Variants in GCNT1 observed in about 807,000 individuals in gnomAD.
The protein encoded by GCNT1 is glucosaminyl (N-acetyl) transferase 1.
Under a neutral mutation model 26.2 loss-of-function variants are expected in GCNT1, and 16 were observed. That is an observed-to-expected ratio of 0.61 (90% confidence interval 0.41 to 0.93). The LOEUF is 0.93. GCNT1 is among the 40% of genes least tolerant of loss of function. The pLI is 0.00. For synonymous variants in GCNT1, 183 were observed against 190.8 expected, an observed-to-expected ratio of 0.96 and a Z score of 0.34; for missense variants, 477 against 526.7, an observed-to-expected ratio of 0.91 and a Z score of 0.92.
rs1825219111 is a variant in GCNT1 at position 76,505,707 on chromosome 9, T to C, written c.*2039T>C. On this transcript the variant is annotated 3_prime_UTR_variant, in exon 4 of 4. Coordinates refer to ENST00000376730, the MANE Select transcript of GCNT1 (RefSeq NM_001490.5). The stretch of plus-strand genomic sequence containing the variant: ...CCCTATTTGCTTTAAGTTGTATGTA[T>C]TTCTGAACTTGGCAAAATTGGAAAT... 1 of 167,050 alleles carries C rather than the reference T, an allele frequency of 6.0e-6. No homozygotes were observed. The allele number at this position is 167,050 out of a possible 1,614,324, so 10.3% of individuals were successfully genotyped here.
At chr9:76,455,932 C>G (rs562572674), upstream of GCNT1, among the ~76,000 whole-genome samples, 21 of 152,176 alleles carry the variant, frequency 1.4e-4, no homozygotes, top group African/African-American at 4.8e-4. Context: ...GTACTTGTAA[C>G]TATAGTTTTA....
chr9:76,415,352 T>G (rs1951910), upstream of GCNT1, among the ~76,000 whole-genome samples: 51,104 of 152,042 alleles, frequency 0.34, 9,147 homozygotes, highest in Middle Eastern at 0.4. Flanking sequence ...TCACCACACC[T>G]GACCTTGACG....
At chr9:76,409,587 A>C in the GCNT1 span, among the ~76,000 whole-genome samples, 1 of 152,038 alleles carries the variant, frequency 6.6e-6, no homozygotes. Flanking sequence ...CTGGGATTAC[A>C]GGCGGGTGCC....
chr9:76,497,262 G>A (rs1424507796), intron 2 of GCNT1, among the ~76,000 whole-genome samples: 1 of 152,218 alleles, frequency 6.6e-6, no homozygotes, highest in East Asian at 1.9e-4. Flanking sequence ...AAATAGTATA[G>A]CATGTGCGCA....
At chr9:76,470,960 C>T (rs569315663) in intron 2 of GCNT1, among the ~76,000 whole-genome samples, 1 of 152,300 alleles carries the variant, frequency 6.6e-6, no homozygotes, top group Admixed American at 6.5e-5. Context: ...AAATGCAGAA[C>T]TTGCCTCTGA....
chr9:76,394,354 A>C, the GCNT1 span: 1 of 526,390 alleles, frequency 1.9e-6, no homozygotes, highest in Non-Finnish European at 3.2e-6. Flanking sequence ...GACGCCGCCG[A>C]CCCAACAAAT....
At chr9:76,489,242 A>G (rs1367844996) in intron 2 of GCNT1, among the ~76,000 whole-genome samples, 6 of 152,216 alleles carry the variant, frequency 3.9e-5, no homozygotes, top group African/African-American at 1.4e-4. Flanking sequence ...TGATGGTGAC[A>G]TAGTATTTCT....
upstream of GCNT1, among the ~76,000 whole-genome samples, chr9:76,416,289 A>G (rs1474578569): frequency 1.3e-5 from 2 of 152,168 alleles, no homozygotes; most frequent in African/African-American, 4.8e-5. Flanking sequence ...CCAGCTGCCC[A>G]TCCCACTAAG....
At chr9:76,422,498 C>T (rs1311494293) in intron 1 of GCNT1, among the ~76,000 whole-genome samples, 11 of 152,064 alleles carry the variant, frequency 7.2e-5, no homozygotes, top group Admixed American at 7.2e-4. Flanking sequence ...CAGTAGAAAC[C>T]ATACTTTGAG....
At chr9:76,440,891 C>A (rs1308060072), upstream of GCNT1, among the ~76,000 whole-genome samples, 1 of 151,786 alleles carries the variant, frequency 6.6e-6, no homozygotes, top group Non-Finnish European at 1.5e-5. Context: ...TGGTGAAACC[C>A]CATCTCTACT....
intron 2 of GCNT1, among the ~76,000 whole-genome samples, chr9:76,469,589 G>A (rs1824085462): frequency 6.6e-6 from 1 of 152,136 alleles, no homozygotes; most frequent in Non-Finnish European, 1.5e-5. Flanking sequence ...TACGGCTTGA[G>A]CTGAGCTTTT....
chr9:76,502,843 G>A lies in GCNT1; in HGVS notation c.462G>A (p.Val154=). ...CTCAGAATTTCTATTGCATTCATGT[G>A]GACACAAAATCCGAGGATTCCTATT... The part of the protein sequence containing the change: ...YMPQNFYCIH[V]DTKSEDSYLA... The change falls in exon 4 of 4, where the codon GTG becomes GTA. Residue 154 remains valine, a synonymous_variant. Coordinates refer to ENST00000376730, the MANE Select transcript of GCNT1 (RefSeq NM_001490.5). 6.2e-7 allele frequency: 1 copy of A among 1,614,022 alleles called. No individual in the cohort carries two copies.
intron 1 of GCNT1, among the ~76,000 whole-genome samples, chr9:76,453,207 T>C (rs988514711): frequency 6.6e-6 from 1 of 152,104 alleles, no homozygotes; most frequent in African/African-American, 2.4e-5. Flanking sequence ...GAAGAGAAGG[T>C]GGTCAGAACA....
rs144905584 is a variant in GCNT1 at position 76,420,406 on chromosome 9, C to T, written n.38+519C>T. Among the ~76,000 whole-genome samples the T allele has an allele frequency of 2.7e-3, 411 of 152,080 alleles. 1 individual carries two copies. Among genetic ancestry groups the T allele is most frequent in the African/African-American group, 9.3e-3 (386 of 41,478 alleles). ...CTCCTCCCTTAGCCTCCCGAGAAGCCGGGATTACAGACACACACTACCAGG... is the reference window on the plus strand; with the variant it reads ...CTCCTCCCTTAGCCTCCCGAGAAGCTGGGATTACAGACACACACTACCAGG... On this transcript the variant is annotated intron_variant and non_coding_transcript_variant, in intron 1 of 3. Transcript: ENST00000488136.
At chr9:76,398,993 A>G in the GCNT1 span, 33 of 1,546,664 alleles carry the variant, frequency 2.1e-5, no homozygotes, top group South Asian at 1.3e-4. Context: ...AGCCACTCCA[A>G]TTGCTGGCCA....
At chr9:76,399,039 C>T in the GCNT1 span, 1 of 1,594,650 alleles carries the variant, frequency 6.3e-7, no homozygotes, top group Non-Finnish European at 8.5e-7. Context: ...CAGATCCAGG[C>T]AGCCTTCCGG....
chr9:76,423,600 A>C (rs1442464932), intron 1 of GCNT1, among the ~76,000 whole-genome samples: 1 of 152,258 alleles, frequency 6.6e-6, no homozygotes, highest in Non-Finnish European at 1.5e-5. Flanking sequence ...GCAAGCTTTT[A>C]ATGAACAAAA....
the GCNT1 span, among the ~76,000 whole-genome samples, chr9:76,403,340 G>T: frequency 6.6e-6 from 1 of 152,174 alleles, no homozygotes; most frequent in East Asian, 1.9e-4. Context: ...ATGGCTTTTT[G>T]ATTTTTGTTT....
chr9:76,463,122 C>A (rs10735646), intron 2 of GCNT1, among the ~76,000 whole-genome samples: 121,085 of 152,106 alleles, frequency 0.8, 49,178 homozygotes, highest in African/African-American at 0.92. Context: ...AACCCTCTTT[C>A]TTAGGACTTA....
Sources: gnomAD v4.1 joint callset for allele counts (sites outside exome capture counted in the v4.1 genomes callset) on GRCh38, gnomAD v4.1.1 for gene constraint, MANE v1.5 for transcripts, NCBI Gene and HGNC (gene_info 2026-07-23, HGNC 2026-07-21) for gene names.